Variants in ARHGAP19 observed in about 807,000 individuals in gnomAD.
ARHGAP19 encodes Rho GTPase activating protein 19.
ARHGAP19 carries 48 observed loss-of-function variants against 60.9 expected under a neutral mutation model. That is an observed-to-expected ratio of 0.79 (90% CI 0.62 to 1.00). The LOEUF is 1.00. Among genes scored for constraint, ARHGAP19 ranks in the 50% least tolerant of loss-of-function variants. The pLI, the probability that ARHGAP19 is intolerant of heterozygous loss-of-function variation, is 0.00. For synonymous variants in ARHGAP19, 209 were observed against 215.5 expected, an observed-to-expected ratio of 0.97 and a Z score of 0.27; for missense variants, 562 against 597.2, an observed-to-expected ratio of 0.94 and a Z score of 0.61.
At chr10:97,244,939 A>T (rs1051157443) in intron 7 of ARHGAP19, among the ~76,000 whole-genome samples, 1 of 151,292 alleles carries the variant, frequency 6.6e-6, no homozygotes, top group African/African-American at 2.4e-5. Flanking sequence ...AAAGGCTTAG[A>T]ACAGGAAAGA....
chr10:97,235,368 C>G, intron 8 of ARHGAP19, 53 bp from the exon 9 acceptor site: 4 of 1,453,238 alleles, frequency 2.8e-6, no homozygotes, highest in Non-Finnish European at 3.8e-6. Flanking sequence ...CAAGACACGG[C>G]ATTCTGTGAC....
chr10:97,251,158 G>GGTGAA, intron 6 of ARHGAP19, among the ~76,000 whole-genome samples: 1 of 115,990 alleles, frequency 8.6e-6, no homozygotes. Flanking sequence ...GGAAAGCCAA[G>GGTGAA]GGGAAGGGAA....
rs1850871949 is a variant in ARHGAP19 at position 97,225,122 on chromosome 10, C to T, written c.*1000G>A. 1 of 152,314 alleles carries T rather than the reference C, an allele frequency of 6.6e-6. No individual in the cohort carries two copies. Among genetic ancestry groups the T allele is most frequent in the South Asian group, 2.1e-4 (1 of 4,832 alleles). 9.4% of individuals were successfully genotyped at this position (152,314 alleles called of 1,614,324 possible). Reference sequence around the variant, plus strand: ...GTAATCCCACCCATAAAGAGTCATCCTGGGACATAAAGGCAGCCAGCCCCC... The same window carrying T: ...GTAATCCCACCCATAAAGAGTCATCTTGGGACATAAAGGCAGCCAGCCCCC... On this transcript the variant is annotated 3_prime_UTR_variant, in exon 12 of 12. Coordinates refer to ENST00000358531, the MANE Select transcript of ARHGAP19 (RefSeq NM_032900.6).
In ARHGAP19 at chr10:97,222,280, G is replaced by A. The variant is rs1252592992; in HGVS notation, c.*3842C>T. On this transcript the variant is annotated 3_prime_UTR_variant, in exon 12 of 12. Coordinates refer to ENST00000358531, the MANE Select transcript of ARHGAP19 (RefSeq NM_032900.6). Reference sequence around the variant, plus strand: ...CAATTACATATACATAGTCAAATAAGAATGAAAACTTTAACCAAAACACTT... The same window carrying A: ...CAATTACATATACATAGTCAAATAAAAATGAAAACTTTAACCAAAACACTT... 1 of 152,236 alleles carries A rather than the reference G, an allele frequency of 6.6e-6. No homozygotes were observed. The highest frequency in any genetic ancestry group is 1.5e-5 in the Non-Finnish European group (1 of 68,028). The allele number at this position is 152,236 out of a possible 1,614,324, so 9.4% of individuals were successfully genotyped here.
chr10:97,271,079 C>T (rs540350742), intron 1 of ARHGAP19, among the ~76,000 whole-genome samples: 2 of 152,094 alleles, frequency 1.3e-5, no homozygotes, highest in South Asian at 4.1e-4. Flanking sequence ...TAAATTAATG[C>T]AACAGAGAAA....
At chr10:97,227,453 A>G (rs1242541373) in intron 11 of ARHGAP19, among the ~76,000 whole-genome samples, 6 of 152,196 alleles carry the variant, frequency 3.9e-5, no homozygotes. Flanking sequence ...AGAACTTAAG[A>G]GCAGAACTTA....
chr10:97,233,638 C>T (rs1851068852), intron 9 of ARHGAP19, among the ~76,000 whole-genome samples: 1 of 152,126 alleles, frequency 6.6e-6, no homozygotes. Flanking sequence ...AAGGCCAAGG[C>T]GGGTGGATCA....
chr10:97,267,847 C>A (rs1346684440), intron 1 of ARHGAP19, among the ~76,000 whole-genome samples: 1 of 152,244 alleles, frequency 6.6e-6, no homozygotes, highest in African/African-American at 2.4e-5. Flanking sequence ...GGCCCTGGGC[C>A]CAGCCCACAA....
At chr10:97,270,772 G>T (rs1589375959) in intron 1 of ARHGAP19, 5 of 1,103,528 alleles carry the variant, frequency 4.5e-6, no homozygotes, top group Non-Finnish European at 6.3e-6. Flanking sequence ...GGGCCTGAAA[G>T]GCAGTACTTA....
At chr10:97,282,495 G>C (rs1214919739) in intron 1 of ARHGAP19, among the ~76,000 whole-genome samples, 1 of 152,110 alleles carries the variant, frequency 6.6e-6, no homozygotes, top group Non-Finnish European at 1.5e-5. Context: ...GCTTAAGCTA[G>C]TTTTAGTTTC....
At chr10:97,244,415 T>A (rs1359333875) in intron 7 of ARHGAP19, among the ~76,000 whole-genome samples, 3 of 152,158 alleles carry the variant, frequency 2.0e-5, no homozygotes, top group Non-Finnish European at 4.4e-5. Context: ...TATATTTGTG[T>A]AAGAGTTTAG....
intron 6 of ARHGAP19, among the ~76,000 whole-genome samples, chr10:97,249,312 G>T (rs1842608064): frequency 6.6e-6 from 1 of 152,146 alleles, no homozygotes; most frequent in African/African-American, 2.4e-5. Context: ...ATTTACCTTT[G>T]TAACTGAAAG....
intron 1 of ARHGAP19, among the ~76,000 whole-genome samples, chr10:97,272,795 GT>G: frequency 6.7e-6 from 1 of 149,040 alleles, no homozygotes; most frequent in East Asian, 2.0e-4. Context: ...CTTTGTCAAG[GT>G]TCCAACTTCT....
intron 1 of ARHGAP19, among the ~76,000 whole-genome samples, chr10:97,268,855 A>G (rs538509764): frequency 6.6e-6 from 1 of 152,342 alleles, no homozygotes; most frequent in South Asian, 2.1e-4. Context: ...ATATGTTGTT[A>G]TATTTAAGAA....
At chr10:97,241,959 G>A (rs1481160796) in intron 8 of ARHGAP19, among the ~76,000 whole-genome samples, 2 of 150,694 alleles carry the variant, frequency 1.3e-5, no homozygotes, top group Non-Finnish European at 3.0e-5. Context: ...GCAGTGAGTG[G>A]AGATTGCGCC....
intron 1 of ARHGAP19, among the ~76,000 whole-genome samples, chr10:97,286,586 C>T (rs911861079): frequency 5.3e-5 from 8 of 152,162 alleles, no homozygotes; most frequent in Non-Finnish European, 7.4e-5. Flanking sequence ...AGCGAGACTC[C>T]GTGTCAAAAA....
chr10:97,290,923 C>T (rs1843222638), intron 1 of ARHGAP19, among the ~76,000 whole-genome samples: 1 of 152,084 alleles, frequency 6.6e-6, no homozygotes. Flanking sequence ...TTGGGTTTTC[C>T]TGTTGAGAAG....
chr10:97,283,799 G>A (rs1293654153), intron 1 of ARHGAP19, among the ~76,000 whole-genome samples: 7 of 131,966 alleles, frequency 5.3e-5, no homozygotes, highest in African/African-American at 8.6e-5. Flanking sequence ...GTTTGAGACC[G>A]CCTAGACAAC....
At chr10:97,251,321 G>T (rs1842651475) in intron 6 of ARHGAP19, among the ~76,000 whole-genome samples, 1 of 57,274 alleles carries the variant, frequency 1.7e-5, no homozygotes, top group African/African-American at 7.8e-5. Flanking sequence ...GAAGGGGAAG[G>T]GAAGGGGAAA....
Sources: gnomAD v4.1 joint callset for allele counts (sites outside exome capture counted in the v4.1 genomes callset) on GRCh38, gnomAD v4.1.1 for gene constraint, MANE v1.5 for transcripts, NCBI Gene and HGNC (gene_info 2026-07-23, HGNC 2026-07-21) for gene names.